RPRD1B: variants seen among roughly 807,000 people sequenced by gnomAD.
RPRD1B encodes regulation of nuclear pre-mRNA domain containing 1B.
Under a neutral mutation model 41.5 loss-of-function variants are expected in RPRD1B, and 11 were observed. The observed-to-expected ratio is 0.27, with a 90% CI of 0.17 to 0.44. The LOEUF (loss-of-function observed/expected upper bound fraction) is 0.44, where lower values mean the gene tolerates loss of function less well. RPRD1B is among the 20% of genes least tolerant of loss of function. The pLI, the probability that RPRD1B is intolerant of heterozygous loss-of-function variation, is 1.00. For missense variants in RPRD1B, 248 were observed against 389.9 expected, an observed-to-expected ratio of 0.64 and a Z score of 3.06; for synonymous variants, 158 against 155.6, an observed-to-expected ratio of 1.02 and a Z score of -0.12.
chr20:38,041,652 A>G (rs1375273286), intron 2 of RPRD1B, among the ~76,000 whole-genome samples: 3 of 152,200 alleles, frequency 2.0e-5, no homozygotes, highest in Non-Finnish European at 4.4e-5. Flanking sequence ...TCTTGCTTTG[A>G]TGAGATTTAG....
chr20:38,034,503 T>C (rs1331009574), intron 1 of RPRD1B, among the ~76,000 whole-genome samples: 1 of 152,216 alleles, frequency 6.6e-6, no homozygotes, highest in Non-Finnish European at 1.5e-5. Context: ...GCTCAGCTAT[T>C]TGCCAGCTGA....
intron 1 of RPRD1B, among the ~76,000 whole-genome samples, chr20:38,035,631 G>C (rs2073994797): frequency 6.6e-6 from 1 of 152,206 alleles, no homozygotes; most frequent in Admixed American, 6.5e-5. Context: ...AGTTTATGGG[G>C]CCTTCTTCAT....
chr20:38,068,878 G>C (rs185630413), intron 6 of RPRD1B, among the ~76,000 whole-genome samples: 1 of 152,168 alleles, frequency 6.6e-6, no homozygotes, highest in Non-Finnish European at 1.5e-5. Flanking sequence ...GTCTCTCTGC[G>C]TGATGGGGCA....
At chr20:38,074,359 A>G (rs891951612) in intron 6 of RPRD1B, among the ~76,000 whole-genome samples, 5 of 152,122 alleles carry the variant, frequency 3.3e-5, no homozygotes, top group Non-Finnish European at 7.4e-5. Context: ...CTTTATTACA[A>G]TGTGAAACCT....
Position 38,091,644 on chromosome 20 carries a change from C to T in RPRD1B, c.*1769C>T, listed in dbSNP as rs144551290. On this transcript the variant is annotated 3_prime_UTR_variant, in exon 7 of 7. Coordinates refer to ENST00000373433, the MANE Select transcript of RPRD1B (RefSeq NM_021215.4). ...ACTCCCCAACCTCTCCCCCACCCCCCGTGGTGTGCTGCTTTCTAGATGAGC... is the reference window on the plus strand; with the variant it reads ...ACTCCCCAACCTCTCCCCCACCCCCTGTGGTGTGCTGCTTTCTAGATGAGC... 3.2e-5 allele frequency: 32 copies of T among 985,668 alleles called. No individual in the cohort carries two copies. The African/African-American group carries it at 3.7e-4, about 11-fold the overall frequency. The allele number at this position is 985,668 out of a possible 1,614,324, so 61.1% of individuals were successfully genotyped here. A position where few individuals can be genotyped will look rare whatever the true frequency, so the allele number is the denominator to read the frequency against.
chr20:38,059,806 G>C (rs536311837), intron 5 of RPRD1B, among the ~76,000 whole-genome samples: 5 of 152,174 alleles, frequency 3.3e-5, no homozygotes, highest in African/African-American at 7.2e-5. Flanking sequence ...AATTGTGTGC[G>C]TGTGGGGTGG....
At position 38,091,713 on chromosome 20, in the gene RPRD1B, A is replaced by G. The variant is rs998471790; in HGVS notation, c.*1838A>G. 1.0e-6 allele frequency: 1 copy of G among 985,680 alleles called. No individual in the cohort carries two copies. The highest frequency in any genetic ancestry group is 1.2e-6 in the Non-Finnish European group (1 of 829,932). 61.1% of individuals were successfully genotyped at this position (985,680 alleles called of 1,614,324 possible). Reference sequence around the variant, plus strand: ...ATCTGGGACACTCTATGCTTTCACCAAGGAAGTGCGATCTGAGCAGCCACA... The same window carrying G: ...ATCTGGGACACTCTATGCTTTCACCGAGGAAGTGCGATCTGAGCAGCCACA... On this transcript the variant is annotated 3_prime_UTR_variant, in exon 7 of 7. Coordinates refer to ENST00000373433, the MANE Select transcript of RPRD1B (RefSeq NM_021215.4).
intron 6 of RPRD1B, among the ~76,000 whole-genome samples, chr20:38,071,105 T>TTGA (rs1274732605): frequency 1.3e-5 from 2 of 152,222 alleles, no homozygotes; most frequent in African/African-American, 4.8e-5. Context: ...TAGTCCTGTG[T>TTGA]TGACCCACAT....
At chr20:38,042,471 G>A (rs911268455) in intron 2 of RPRD1B, among the ~76,000 whole-genome samples, 4 of 152,088 alleles carry the variant, frequency 2.6e-5, no homozygotes, top group African/African-American at 9.7e-5. Flanking sequence ...TTTTTTCTTG[G>A]GAACACCTTA....
intron 6 of RPRD1B, among the ~76,000 whole-genome samples, chr20:38,087,043 G>T: frequency 6.6e-6 from 1 of 151,850 alleles, no homozygotes; most frequent in Non-Finnish European, 1.5e-5. Context: ...CACAACCTCT[G>T]CCCCGCCGGG....
chr20:38,059,953 A>C (rs1034661752), intron 5 of RPRD1B, among the ~76,000 whole-genome samples: 3 of 152,186 alleles, frequency 2.0e-5, no homozygotes, highest in Non-Finnish European at 4.4e-5. Flanking sequence ...GTTCAGTGCC[A>C]GGAATTTCAG....
chr20:38,053,376 C>G (rs1356165371), intron 3 of RPRD1B, among the ~76,000 whole-genome samples: 2 of 152,224 alleles, frequency 1.3e-5, no homozygotes, highest in Admixed American at 6.5e-5. Flanking sequence ...TGGCCTAGCA[C>G]TAGCATTTTC....
At chr20:38,070,399 A>T in intron 6 of RPRD1B, 1 of 985,512 alleles carries the variant, frequency 1.0e-6, no homozygotes, top group Non-Finnish European at 1.2e-6. Context: ...AGGTTAGAGA[A>T]TGTGGAGGGT....
Position 38,091,060 on chromosome 20 carries a change from G to A in RPRD1B, c.*1185G>A. On this transcript the variant is annotated 3_prime_UTR_variant, in exon 7 of 7. Coordinates refer to ENST00000373433, the MANE Select transcript of RPRD1B (RefSeq NM_021215.4). ...GCTGACATTATGACTATATAATGTAGTTAGAGACAATTTTTATCTTGCTTA... is the reference window on the plus strand; with the variant it reads ...GCTGACATTATGACTATATAATGTAATTAGAGACAATTTTTATCTTGCTTA... The A allele has an allele frequency of 2.0e-6, 2 of 985,572 alleles. No individual in the cohort carries two copies. The highest frequency in any genetic ancestry group is 2.4e-6 in the Non-Finnish European group (2 of 829,712). 61.1% of individuals were successfully genotyped at this position (985,572 alleles called of 1,614,324 possible).
chr20:38,050,421 T>C (rs1221691315), intron 3 of RPRD1B, among the ~76,000 whole-genome samples: 3 of 152,226 alleles, frequency 2.0e-5, no homozygotes, highest in Non-Finnish European at 4.4e-5. Context: ...TTGTGTCCTT[T>C]GGAGGTCTTC....
intron 5 of RPRD1B, chr20:38,065,846 T>C (rs977627920): frequency 1.3e-5 from 5 of 372,946 alleles, no homozygotes; most frequent in Non-Finnish European, 2.4e-5. Flanking sequence ...CTTTGCCAGA[T>C]TCCCCCCATG....
intron 2 of RPRD1B, among the ~76,000 whole-genome samples, chr20:38,042,335 C>G (rs1046704879): frequency 6.6e-6 from 1 of 152,136 alleles, no homozygotes; most frequent in Admixed American, 6.5e-5. Context: ...GGTTTAGCAA[C>G]AGAGCATGAC....
chr20:38,049,137 C>T (rs1412696233), intron 3 of RPRD1B, among the ~76,000 whole-genome samples: 2 of 151,954 alleles, frequency 1.3e-5, no homozygotes, highest in East Asian at 2.0e-4. Context: ...TTAGAAGAGA[C>T]GGGGTTTCAC....
intron 6 of RPRD1B, among the ~76,000 whole-genome samples, chr20:38,088,208 T>C (rs1393398252): frequency 6.6e-6 from 1 of 152,190 alleles, no homozygotes; most frequent in Non-Finnish European, 1.5e-5. Context: ...GCTTGGACTT[T>C]TGTCTTTACA....
Sources: allele counts gnomAD v4.1 joint callset (sites outside exome capture counted in the v4.1 genomes callset), GRCh38; gene constraint gnomAD v4.1.1; transcripts MANE v1.5; gene names NCBI Gene and HGNC (gene_info 2026-07-23, HGNC 2026-07-21).